TGM3: variants seen among roughly 807,000 people sequenced by gnomAD.
The protein encoded by TGM3 is protein-glutamine gamma-glutamyltransferase E.
A neutral mutation model predicts 73.8 loss-of-function variants in TGM3; 52 were observed. That is an observed-to-expected ratio of 0.70 (90% CI 0.56 to 0.89). The LOEUF (loss-of-function observed/expected upper bound fraction) is 0.89. Ranked by LOEUF, TGM3 falls within the 40% of genes least tolerant of loss-of-function variation. TGM3 has a pLI of 0.00. For missense variants in TGM3, 928 were observed against 909.9 expected (o/e 1.02, Z -0.26); for synonymous variants, 372 against 354.9 (o/e 1.05, Z -0.54).
intron 9 of TGM3, among the ~76,000 whole-genome samples, chr20:2,331,003 C>CCCAA (rs2084317692): frequency 4.5e-5 from 1 of 22,314 alleles, no homozygotes; most frequent in South Asian, 1.6e-3. Context: ...GAGACCCTGT[C>CCCAA]ACAAAAAAAA....
intron 9 of TGM3, among the ~76,000 whole-genome samples, chr20:2,330,644 C>T (rs2084315333): frequency 6.6e-6 from 1 of 152,152 alleles, no homozygotes; most frequent in South Asian, 2.1e-4. Flanking sequence ...GACGAGTTGG[C>T]CTCTGAAGTC....
intron 9 of TGM3, among the ~76,000 whole-genome samples, chr20:2,331,480 C>T (rs1331449107): frequency 6.6e-6 from 1 of 152,142 alleles, no homozygotes; most frequent in Non-Finnish European, 1.5e-5. Context: ...TGTCAACCGG[C>T]ACAGATCAAA....
chr20:2,334,156 A>G lies in TGM3; in HGVS notation c.1643-960A>G, dbSNP rs555331217. ...ACTTAAAGCGTGGGGAAGGAGCCGG[A>G]TGCATGGAGAGAAGCCAGGGGAGGC... On this transcript the variant is annotated intron_variant, in intron 10 of 12. Transcript: ENST00000381458. This position sits in a 1 kb window ranked among gnomAD's most constrained non-coding sequence, Gnocchi z 4.0. Among the ~76,000 whole-genome samples the G allele has an allele frequency of 8.4e-4, 128 of 152,332 alleles. 2 individuals carry two copies. Among genetic ancestry groups the G allele is most frequent in the African/African-American group, 2.8e-3 (115 of 41,586 alleles).
intron 5 of TGM3, among the ~76,000 whole-genome samples, chr20:2,315,492 A>AC (rs1233183214): frequency 6.6e-6 from 1 of 152,242 alleles, no homozygotes; most frequent in African/African-American, 2.4e-5. Flanking sequence ...TCACTACTGC[A>AC]CTGAGGGCCT....
intron 7 of TGM3, among the ~76,000 whole-genome samples, chr20:2,319,981 G>A (rs1286059295): frequency 4.6e-5 from 7 of 152,138 alleles, no homozygotes; most frequent in South Asian, 4.2e-4. Flanking sequence ...TTAAATTCTC[G>A]GGAGCTTCAG....
At position 2,334,041 on chromosome 20, in the gene TGM3, G is replaced by T. The variant is rs2084334530; in HGVS notation, c.1643-1075G>T. On this transcript the variant is annotated intron_variant, in intron 10 of 12. Transcript: ENST00000381458. The surrounding 1 kb of genome is among the most constrained non-coding windows in gnomAD (Gnocchi z 4.0). ...ACTGTGGGTGCTGGGGCATCCCCAG[G>T]CCACCCAGCATGACAGCCTGAGGGA... 6.6e-6 allele frequency among the ~76,000 whole-genome samples: 1 copy of T among 152,188 alleles called. No homozygotes were observed. Among genetic ancestry groups the T allele is most frequent in the Admixed American group, 6.5e-5 (1 of 15,286 alleles).
At chr20:2,309,175 G>A (rs1047906689) in intron 1 of TGM3, among the ~76,000 whole-genome samples, 12 of 152,202 alleles carry the variant, frequency 7.9e-5, no homozygotes, top group East Asian at 7.7e-4. Flanking sequence ...CACCACACCC[G>A]GCGCCTCCCT....
intron 5 of TGM3, among the ~76,000 whole-genome samples, chr20:2,314,530 T>TAC (rs11473649): frequency 0.05 from 6,855 of 136,712 alleles, 492 homozygotes; most frequent in African/African-American, 0.17. Context: ...CATCTACACA[T>TAC]ACACACACAC....
At chr20:2,325,565 C>T (rs866551176) in intron 7 of TGM3, among the ~76,000 whole-genome samples, 5 of 152,182 alleles carry the variant, frequency 3.3e-5, no homozygotes, top group Non-Finnish European at 7.4e-5. Context: ...TTGAGTTAGG[C>T]ATACATGGGT....
At chr20:2,299,514 G>A (rs1443642268) in intron 1 of TGM3, among the ~76,000 whole-genome samples, 1 of 152,204 alleles carries the variant, frequency 6.6e-6, no homozygotes, top group Non-Finnish European at 1.5e-5. Context: ...GCTGGGGTGT[G>A]TGCTGAAGTT....
rs45486096 is a variant in TGM3 at position 2,336,045 on chromosome 20, T to C, written c.1800+772T>C. On this transcript the variant is annotated intron_variant, in intron 11 of 12. Transcript: ENST00000381458. The stretch of plus-strand genomic sequence containing the variant: ...ACAAAGACCCCTCTTTCTCTGCTCA[T>C]AGGGCTTCCTTTACTTTGCAGCATT... Among the ~76,000 whole-genome samples the C allele has an allele frequency of 4.6e-3, 695 of 152,356 alleles. 3 individuals are homozygous for C. Among genetic ancestry groups the C allele is most frequent in the African/African-American group, 0.015 (628 of 41,590 alleles).
At chr20:2,325,126 C>T (rs758601867) in intron 7 of TGM3, among the ~76,000 whole-genome samples, 4 of 152,056 alleles carry the variant, frequency 2.6e-5, no homozygotes, top group African/African-American at 9.7e-5. Flanking sequence ...GGATTTATGT[C>T]GAACTTATAT....
At chr20:2,313,234 C>A (rs577308946) in intron 5 of TGM3, among the ~76,000 whole-genome samples, 1 of 152,330 alleles carries the variant, frequency 6.6e-6, no homozygotes, top group East Asian at 1.9e-4. Flanking sequence ...GAGTATGTGG[C>A]AGAAGCAGAG....
intron 7 of TGM3, among the ~76,000 whole-genome samples, chr20:2,322,368 C>T (rs1197234703): frequency 6.6e-6 from 1 of 152,072 alleles, no homozygotes; most frequent in East Asian, 1.9e-4. Context: ...ATAGACACAT[C>T]CCACTTTTTC....
intron 7 of TGM3, among the ~76,000 whole-genome samples, chr20:2,318,409 G>A (rs550283529): frequency 2.0e-5 from 3 of 152,236 alleles, no homozygotes; most frequent in Admixed American, 6.5e-5. Flanking sequence ...GTAATTTAAT[G>A]ATAGATGCCA....
intron 4 of TGM3, among the ~76,000 whole-genome samples, chr20:2,312,226 C>G (rs1343763840): frequency 6.6e-6 from 1 of 151,324 alleles, no homozygotes; most frequent in East Asian, 1.9e-4. Context: ...ATGGCAAAAC[C>G]CTGTCTCTAC....
intron 4 of TGM3, among the ~76,000 whole-genome samples, chr20:2,312,229 G>A (rs2084207966): frequency 6.6e-6 from 1 of 151,084 alleles, no homozygotes. Flanking sequence ...GCAAAACCCT[G>A]TCTCTACTAA....
At chr20:2,335,065 A>C (rs2084341525) in intron 10 of TGM3, 51 bp from the exon 11 acceptor site, 2 of 1,607,578 alleles carry the variant, frequency 1.2e-6, no homozygotes, top group African/African-American at 2.7e-5. Flanking sequence ...AGGAAGGTTC[A>C]GAAGCCATCC....
At chr20:2,336,960 C>T (rs2084354156) in intron 11 of TGM3, among the ~76,000 whole-genome samples, 1 of 152,088 alleles carries the variant, frequency 6.6e-6, no homozygotes, top group Non-Finnish European at 1.5e-5. Flanking sequence ...CAATTATACA[C>T]CCTCAGAACA....
Sources: allele counts gnomAD v4.1 joint callset (sites outside exome capture counted in the v4.1 genomes callset), GRCh38; gene constraint gnomAD v4.1.1; non-coding constraint Gnocchi (gnomAD v3.1); transcripts MANE v1.5; gene names NCBI Gene and HGNC (gene_info 2026-07-23, HGNC 2026-07-21).